Variants in CPXM2 observed in about 807,000 individuals in gnomAD.
CPXM2 encodes inactive carboxypeptidase-like protein X2.
A neutral mutation model predicts 86.1 loss-of-function variants in CPXM2; 66 were observed. The observed-to-expected ratio is 0.77, with a 90% CI of 0.63 to 0.94. CPXM2 has a LOEUF of 0.94. Among genes scored for constraint, CPXM2 ranks in the 40% least tolerant of loss-of-function variants. The pLI is 0.00. For missense variants in CPXM2, 948 were observed against 1,026.3 expected (o/e 0.92, Z 1.04); for synonymous variants, 388 against 400.2 (o/e 0.97, Z 0.36).
chr10:123,940,738 C>T (rs1945767356), upstream of CPXM2, among the ~76,000 whole-genome samples: 1 of 152,190 alleles, frequency 6.6e-6, no homozygotes, highest in Non-Finnish European at 1.5e-5. Context: ...CATGGATTAG[C>T]TCAAGATTCC....
At chr10:123,775,011 G>T (rs553679957) in intron 7 of CPXM2, among the ~76,000 whole-genome samples, 127 of 152,310 alleles carry the variant, frequency 8.3e-4, no homozygotes, top group African/African-American at 3.0e-3. Flanking sequence ...AGGCAGAGGA[G>T]ATTTTTCCCA....
intron 2 of CPXM2, among the ~76,000 whole-genome samples, chr10:123,932,715 A>G (rs1590128719): frequency 6.6e-6 from 1 of 152,194 alleles, no homozygotes; most frequent in East Asian, 1.9e-4. Flanking sequence ...GCAAGAGCCT[A>G]CTGCGGAAGG....
In CPXM2 at chr10:123,780,212, A is replaced by G; in HGVS notation, c.933T>C (p.Thr311=). ...YYHRRNEMTT[T]DDLDFKHHNY... The stretch of plus-strand genomic sequence containing the variant: ...TGTGGTGCTTAAAATCCAGGTCATC[A>G]GTGGTGGTCATCTCGTTCCGGCGGT... The change falls in exon 7 of 14, where the codon ACT becomes ACC. Residue 311 remains threonine, a synonymous_variant. Coordinates refer to ENST00000241305, the MANE Select transcript of CPXM2 (RefSeq NM_198148.3). 1 of 1,611,958 alleles carries G rather than the reference A, an allele frequency of 6.2e-7. No individual in the cohort carries two copies. Among genetic ancestry groups the G allele is most frequent in the Non-Finnish European group, 8.5e-7 (1 of 1,178,018 alleles).
intron 4 of CPXM2, among the ~76,000 whole-genome samples, chr10:123,826,158 G>A (rs1268422912): frequency 2.6e-5 from 4 of 152,180 alleles, no homozygotes; most frequent in Non-Finnish European, 4.4e-5. Flanking sequence ...TGAAGCACAT[G>A]AAATCAAGTA....
At chr10:123,827,341 T>C (rs1041396974) in intron 4 of CPXM2, among the ~76,000 whole-genome samples, 3 of 152,156 alleles carry the variant, frequency 2.0e-5, no homozygotes, top group African/African-American at 4.8e-5. Context: ...GAAGATTTCA[T>C]ACCAAAAACC....
At chr10:123,785,250 G>A (rs1228283754) in intron 6 of CPXM2, among the ~76,000 whole-genome samples, 1 of 152,156 alleles carries the variant, frequency 6.6e-6, no homozygotes, top group African/African-American at 2.4e-5. Flanking sequence ...GATCCTACAG[G>A]TTTGGAAGAA....
chr10:123,803,849 G>T (rs891654768), intron 4 of CPXM2, among the ~76,000 whole-genome samples: 1 of 151,992 alleles, frequency 6.6e-6, no homozygotes, highest in African/African-American at 2.4e-5. Flanking sequence ...TTTTAGTAGA[G>T]AGGGGTTTCA....
chr10:123,791,818 G>A (rs1461621708), intron 6 of CPXM2, among the ~76,000 whole-genome samples: 1 of 152,196 alleles, frequency 6.6e-6, no homozygotes, highest in Non-Finnish European at 1.5e-5. Context: ...ATGAATTCTG[G>A]GGACACTATT....
chr10:123,792,874 G>A (rs1025711574), intron 6 of CPXM2, among the ~76,000 whole-genome samples: 9 of 152,262 alleles, frequency 5.9e-5, no homozygotes, highest in South Asian at 4.2e-4. Flanking sequence ...CAGAGCCACC[G>A]GCAGGAAAGA....
intron 4 of CPXM2, among the ~76,000 whole-genome samples, chr10:123,814,352 A>C (rs963408475): frequency 6.6e-6 from 1 of 152,186 alleles, no homozygotes; most frequent in African/African-American, 2.4e-5. Flanking sequence ...ACATCTTTCT[A>C]CTGTGCTGGA....
intron 7 of CPXM2, among the ~76,000 whole-genome samples, chr10:123,774,882 C>T (rs1846744449): frequency 6.6e-6 from 1 of 152,218 alleles, no homozygotes; most frequent in Non-Finnish European, 1.5e-5. Context: ...ATATGAATAG[C>T]ACCATGTTTT....
chr10:123,858,249 G>C (rs898172193), intron 3 of CPXM2, among the ~76,000 whole-genome samples: 1 of 152,216 alleles, frequency 6.6e-6, no homozygotes, highest in Non-Finnish European at 1.5e-5. Context: ...GCTCCCTTAA[G>C]CACTGCAGCC....
chr10:123,901,106 T>C (rs1945377302), intron 2 of CPXM2, among the ~76,000 whole-genome samples: 1 of 152,210 alleles, frequency 6.6e-6, no homozygotes, highest in Admixed American at 6.5e-5. Flanking sequence ...GACTTTGTAA[T>C]ATAAATACCC....
chr10:123,790,551 T>G (rs891165802), intron 6 of CPXM2, among the ~76,000 whole-genome samples: 11 of 152,146 alleles, frequency 7.2e-5, no homozygotes, highest in African/African-American at 2.4e-4. Context: ...ACATACTGAT[T>G]CTTTGAAGAG....
intron 3 of CPXM2, among the ~76,000 whole-genome samples, chr10:123,850,887 G>A (rs1483200117): frequency 2.0e-5 from 3 of 152,138 alleles, no homozygotes; most frequent in Non-Finnish European, 2.9e-5. Flanking sequence ...CGGGGTCTTC[G>A]AATATATCCC....
chr10:123,878,093 T>C (rs2134226101), intron 2 of CPXM2, among the ~76,000 whole-genome samples: 1 of 152,136 alleles, frequency 6.6e-6, no homozygotes, highest in African/African-American at 2.4e-5. Flanking sequence ...GACAGGAGGA[T>C]GGACTCAGGG....
At chr10:123,894,482 C>T (rs1429389413), upstream of CPXM2, among the ~76,000 whole-genome samples, 4 of 152,190 alleles carry the variant, frequency 2.6e-5, no homozygotes, top group South Asian at 2.1e-4. Context: ...CAGAAGCCCA[C>T]GGCACTGTTC....
intron 4 of CPXM2, among the ~76,000 whole-genome samples, chr10:123,809,294 T>C (rs1182353680): frequency 6.6e-6 from 1 of 152,114 alleles, no homozygotes; most frequent in African/African-American, 2.4e-5. Flanking sequence ...GATTCTCAAC[T>C]TAATAATGAA....
At chr10:123,888,073 G>A (rs887830393) in intron 1 of CPXM2, among the ~76,000 whole-genome samples, 1 of 152,062 alleles carries the variant, frequency 6.6e-6, no homozygotes, top group Non-Finnish European at 1.5e-5. Flanking sequence ...GTGGTGGTGC[G>A]AAAGAACAGC....
Sources: gnomAD v4.1 joint callset for allele counts (sites outside exome capture counted in the v4.1 genomes callset) on GRCh38, gnomAD v4.1.1 for gene constraint, MANE v1.5 for transcripts, NCBI Gene and HGNC (gene_info 2026-07-23, HGNC 2026-07-21) for gene names.